The following KANSL3 variants were observed in gnomAD, a reference collection of about 807,000 sequenced individuals.
The protein encoded by KANSL3 is KAT8 regulatory NSL complex subunit 3, also known as NSL complex protein NSL3.
In KANSL3, 16 loss-of-function variants were observed where a neutral mutation model predicts 89.2. The ratio of observed to expected loss-of-function variants is 0.18; its 90% CI spans 0.12 to 0.27. The LOEUF is 0.27. Among genes scored for constraint, KANSL3 ranks in the 10% least tolerant of loss-of-function variants. The pLI is 1.00. For synonymous variants in KANSL3, 385 were observed against 419.7 expected (o/e 0.92, Z 1.01); for missense variants, 879 against 1,110.6 (o/e 0.79, Z 2.96).
intron 3 of KANSL3, among the ~76,000 whole-genome samples, chr2:96,627,478 G>A (rs2072565252): frequency 6.6e-6 from 1 of 152,178 alleles, no homozygotes; most frequent in African/African-American, 2.4e-5. Context: ...GCCTCCCAAA[G>A]TGCTGGGATT....
intron 5 of KANSL3, among the ~76,000 whole-genome samples, chr2:96,614,015 T>C (rs1427112221): frequency 1.3e-5 from 2 of 152,192 alleles, no homozygotes; most frequent in South Asian, 2.1e-4. Context: ...ATTTAATATA[T>C]ATGTGCATAT....
At chr2:96,581,240 A>T in the KANSL3 span, among the ~76,000 whole-genome samples, 2 of 152,204 alleles carry the variant, frequency 1.3e-5, no homozygotes, top group African/African-American at 2.4e-5. Context: ...CCTGACCAAC[A>T]TGGTGAAACC....
rs756118175 is a variant in KANSL3, at chr2:96,628,023, A to G, written c.386+3289T>C. ...AATCTGATAAATTGAGCTTTAATGG[A>G]TTACATCAATCTGTGGCAATGTGGC... is the stretch of plus-strand genomic sequence containing the variant. On this transcript the variant is annotated intron_variant, in intron 3 of 20. Transcript: ENST00000431828. The G allele has an allele frequency of 2.1e-5, 27 of 1,290,256 alleles. No homozygotes were observed. In the African/African-American group the frequency reaches 3.6e-4, roughly 17 times the overall value. 79.9% of individuals were successfully genotyped at this position (1,290,256 alleles called of 1,614,324 possible).
intron 9 of KANSL3, among the ~76,000 whole-genome samples, chr2:96,611,903 A>ATGTGTG (rs59217274): frequency 0.025 from 2,784 of 113,290 alleles, 83 homozygotes; most frequent in East Asian, 0.13. Context: ...ATATACCCAT[A>ATGTGTG]TGTGTGTGTG....
In KANSL3 at chr2:96,604,312, G is replaced by T. The variant is rs978272378; in HGVS notation, c.2087C>A (p.Pro696His). ...VPSVVSSSTA[P>H]SALHTLQSRL... ...GCTCTGCAGTGTGTGCAAGGCACTG[G>T]GTGCAGTGCTGCTGGAGACCACTGA... The change falls in exon 17 of 21, where the codon CCC (proline) becomes CAC (histidine). Residue 696 changes from proline to histidine, a missense_variant. Physicochemically the swap from Pro to His is moderately conservative, Grantham distance 77. This residue lies in a region of KANSL3 where 317 missense variants were observed against 311.2 expected (regional missense o/e 1.02). Transcript: ENST00000431828. 13 of 1,613,206 alleles carry T rather than the reference G, an allele frequency of 8.1e-6. No homozygotes were observed. The highest frequency in any genetic ancestry group is 1.1e-5 in the Non-Finnish European group (13 of 1,179,672).
rs2068368509 is a variant in KANSL3 at position 96,608,627 on chromosome 2, G to A, written c.1622C>T (p.Pro541Leu). The change falls in exon 14 of 21, where the codon CCC becomes CTC. Residue 541 changes from proline (P) to leucine (L), a missense_variant. This residue lies in a region of KANSL3 where 317 missense variants were observed against 311.2 expected (regional missense o/e 1.02). Coordinates refer to ENST00000431828, the MANE Select transcript of KANSL3 (RefSeq NM_001115016.3). ...GGTCACTGTGGTCACTTTGGTCTTGGGACTGGAGGTGGGGCTGCTGGACAC... is the reference window on the plus strand; with the variant it reads ...GGTCACTGTGGTCACTTTGGTCTTGAGACTGGAGGTGGGGCTGCTGGACAC... ...SSVSSSPTSS[P>L]KTKVTTVTSA... The A allele has an allele frequency of 1.2e-6, 2 of 1,613,962 alleles. No homozygotes were observed. The highest frequency in any genetic ancestry group is 1.7e-6 in the Non-Finnish European group (2 of 1,179,880).
At chr2:96,609,840 A>G (rs2068593242) in intron 11 of KANSL3, among the ~76,000 whole-genome samples, 1 of 149,940 alleles carries the variant, frequency 6.7e-6, no homozygotes, top group Non-Finnish European at 1.5e-5. Context: ...GAATTCCTAT[A>G]CCTATAGCTT....
intron 5 of KANSL3, among the ~76,000 whole-genome samples, chr2:96,618,914 G>A (rs771202862): frequency 3.3e-5 from 5 of 152,236 alleles, no homozygotes; most frequent in African/African-American, 4.8e-5. Flanking sequence ...AAGTCTAAGT[G>A]TTGCTACTAA....
chr2:96,609,709 C>T (rs1402446609), intron 11 of KANSL3, 147 bp from the exon 12 acceptor site: 5 of 729,860 alleles, frequency 6.9e-6, no homozygotes, highest in Admixed American at 2.1e-5. Context: ...GCAACCTCTC[C>T]GAACCTGTTT....
chr2:96,604,242 C>T lies in KANSL3; in HGVS notation c.2149+8G>A. 6.3e-7 allele frequency: 1 copy of T among 1,595,506 alleles called. No homozygotes were observed. The highest frequency in any genetic ancestry group is 2.3e-5 in the East Asian group (1 of 44,156). ...GTTGGAAGGGGAGAATGCTGGGCCA[C>T]AAGATACCTGGGAGGGAGCTGCCAG... is the stretch of plus-strand genomic sequence containing the variant. On this transcript the variant is annotated splice_region_variant and intron_variant, in intron 17 of 20. Coordinates refer to ENST00000431828, the MANE Select transcript of KANSL3 (RefSeq NM_001115016.3).
At chr2:96,618,312 C>A (rs753231333) in intron 5 of KANSL3, among the ~76,000 whole-genome samples, 7 of 152,096 alleles carry the variant, frequency 4.6e-5, no homozygotes, top group Non-Finnish European at 1.0e-4. Flanking sequence ...CCACCAGCCT[C>A]CTAACTAGCT....
Position 96,605,324 on chromosome 2 carries a change from T to C in KANSL3, c.1929A>G (p.Pro643=), listed in dbSNP as rs1320894705. ...GPCAPSQGSA[P]EAAGGKPITM... is the part of the protein sequence containing the mutation. Reference sequence around the variant, plus strand: ...AACGTACCAAGAGAAACTCACCTTCTGGAGCACTTCCTTGGGAAGGAGCAC... The same window carrying C: ...AACGTACCAAGAGAAACTCACCTTCCGGAGCACTTCCTTGGGAAGGAGCAC... The change falls in exon 15 of 21, where the codon CCA becomes CCG. Residue 643 remains proline, a synonymous_variant. Transcript: ENST00000431828. 2 of 1,608,402 alleles carry C rather than the reference T, an allele frequency of 1.2e-6. No individual in the cohort carries two copies. The highest frequency in any genetic ancestry group is 1.7e-6 in the Non-Finnish European group (2 of 1,176,582).
At position 96,601,665 on chromosome 2, in the gene KANSL3, T is replaced by C. The variant is rs376342047; in HGVS notation, c.2594A>G (p.Gln865Arg). ...CACCTGTGAGCTGGAGGGCAGCACC[T>C]GGGAAGAGGACTCCTCGGATGGGGC... The part of the protein sequence containing the change: ...GAAPSEESSS[Q>R]VLPSSSQRLP... The change falls in exon 20 of 21, where the codon CAG becomes CGG. Residue 865 changes from glutamine (Q) to arginine (R), a missense_variant. By Grantham distance (43) the Gln-to-Arg change is conservative. Around this residue, in one of 6 missense-constraint regions of KANSL3, gnomAD observed 61 missense variants for 61.7 expected, o/e 0.99. Transcript: ENST00000431828. 1.2e-5 allele frequency: 19 copies of C among 1,613,398 alleles called. No individual in the cohort carries two copies. The highest frequency in any genetic ancestry group is 1.6e-4 in the Middle Eastern group (1 of 6,082).
At chr2:96,602,944 C>A in intron 17 of KANSL3, 82 bp from the exon 18 acceptor site, 1 of 1,317,298 alleles carries the variant, frequency 7.6e-7, no homozygotes, top group Non-Finnish European at 1.1e-6. Context: ...CCACCCTCAC[C>A]ACCAACTAAA....
the KANSL3 span, among the ~76,000 whole-genome samples, chr2:96,583,677 A>G: frequency 1.2e-4 from 19 of 152,288 alleles, no homozygotes; most frequent in African/African-American, 4.3e-4. Context: ...CATTCAGTCT[A>G]TTTTCAGTTT....
intron 2 of KANSL3, among the ~76,000 whole-genome samples, chr2:96,633,027 T>C (rs1284903885): frequency 6.7e-6 from 1 of 148,388 alleles, no homozygotes; most frequent in Non-Finnish European, 1.5e-5. Flanking sequence ...AGGCTTGTAA[T>C]CCCAGCACTT....
chr2:96,603,063 G>T (rs2067417500), intron 17 of KANSL3, among the ~76,000 whole-genome samples: 1 of 152,220 alleles, frequency 6.6e-6, no homozygotes, highest in Non-Finnish European at 1.5e-5. Flanking sequence ...TACTGTGCCA[G>T]ACACTGCCCC....
rs116587197 is a variant in KANSL3, at chr2:96,607,226, T to C, written c.1741+1282A>G. 1.5e-3 allele frequency among the ~76,000 whole-genome samples: 233 copies of C among 152,314 alleles called. 1 individual carries two copies. The highest frequency in any genetic ancestry group is 5.3e-3 in the African/African-American group (222 of 41,568). On this transcript the variant is annotated intron_variant, in intron 14 of 20. Transcript: ENST00000431828. ...AGAAGCATCTAAAACTGAATAGTAC[T>C]ATCTGCCTCATGGGGCCATGCCAAA...
intron 5 of KANSL3, 80 bp from the exon 6 acceptor site, chr2:96,613,699 A>G (rs1465304765): frequency 2.9e-6 from 4 of 1,383,188 alleles, no homozygotes; most frequent in Non-Finnish European, 4.0e-6. Flanking sequence ...AGAAGAACAG[A>G]GCCCCACTAT....
Sources: allele counts gnomAD v4.1 joint callset (sites outside exome capture counted in the v4.1 genomes callset), GRCh38; gene constraint gnomAD v4.1.1; regional missense constraint gnomAD v4.1.1; transcripts MANE v1.5; gene names NCBI Gene and HGNC (gene_info 2026-07-23, HGNC 2026-07-21).